Variants in PTCHD4 observed in about 807,000 individuals in gnomAD.
PTCHD4 encodes patched domain containing 4.
A neutral mutation model predicts 58.1 loss-of-function variants in PTCHD4; 33 were observed. The observed-to-expected ratio is 0.57, with a 90% CI of 0.43 to 0.76. PTCHD4 has a LOEUF of 0.76. PTCHD4 is among the 30% of genes least tolerant of loss of function. The pLI, the probability that PTCHD4 is intolerant of heterozygous loss-of-function variation, is 0.00. For synonymous variants in PTCHD4, 478 were observed against 409.6 expected, an observed-to-expected ratio of 1.17 and a Z score of -2.02; for missense variants, 1,058 against 1,027.1, an observed-to-expected ratio of 1.03 and a Z score of -0.41.
intron 4 of PTCHD4, among the ~76,000 whole-genome samples, chr6:47,928,817 C>T (rs1286822003): frequency 6.6e-6 from 1 of 152,048 alleles, no homozygotes; most frequent in African/African-American, 2.4e-5. Context: ...GTCGATGATA[C>T]TCAATAAATG....
At chr6:48,009,917 T>C (rs928705211) in intron 3 of PTCHD4, among the ~76,000 whole-genome samples, 7 of 151,906 alleles carry the variant, frequency 4.6e-5, no homozygotes, top group Non-Finnish European at 1.0e-4. Flanking sequence ...ATCATGAGAG[T>C]AGGAAATTGG....
At chr6:48,034,766 C>A (rs769879577) in intron 3 of PTCHD4, among the ~76,000 whole-genome samples, 1 of 152,126 alleles carries the variant, frequency 6.6e-6, no homozygotes, top group Non-Finnish European at 1.5e-5. Flanking sequence ...ACTCTCTTTG[C>A]AGCCAATGAA....
At chr6:48,056,167 T>C (rs768014232) in intron 3 of PTCHD4, among the ~76,000 whole-genome samples, 6 of 152,236 alleles carry the variant, frequency 3.9e-5, no homozygotes, top group African/African-American at 1.4e-4. Flanking sequence ...TTTTAAATTA[T>C]GTGGAGAAGG....
In PTCHD4 at chr6:47,877,278, G is replaced by A. The variant is rs924224925; in HGVS notation, c.*1025C>T. 2.6e-5 allele frequency among the ~76,000 whole-genome samples: 4 copies of A among 151,870 alleles called. No individual in the cohort carries two copies. In the East Asian group the frequency reaches 7.8e-4, roughly 30 times the overall value. On this transcript the variant is annotated 3_prime_UTR_variant, in exon 5 of 5. Coordinates refer to ENST00000339488, the MANE Select transcript of PTCHD4 (RefSeq NM_001384253.1). ...TCTAAAATAAGAACGGTGTAACTAT[G>A]GAGTACCCCAACTCACATACACATA...
At chr6:48,037,379 T>C (rs910815996) in intron 3 of PTCHD4, among the ~76,000 whole-genome samples, 29 of 152,188 alleles carry the variant, frequency 1.9e-4, no homozygotes, top group Admixed American at 9.8e-4. Flanking sequence ...ACTGGAGTCT[T>C]GGACTGCATC....
intron 4 of PTCHD4, among the ~76,000 whole-genome samples, chr6:48,006,753 G>A (rs1052016886): frequency 1.3e-5 from 2 of 152,136 alleles, no homozygotes; most frequent in African/African-American, 4.8e-5. Context: ...CTAAAGCCAA[G>A]GGCTGTTTTC....
chr6:47,907,974 C>A (rs536824738), intron 4 of PTCHD4, among the ~76,000 whole-genome samples: 1 of 152,178 alleles, frequency 6.6e-6, no homozygotes, highest in Non-Finnish European at 1.5e-5. Flanking sequence ...TTCTTTAAAC[C>A]TTTATATGGG....
chr6:47,993,594 G>C (rs1377302376), intron 4 of PTCHD4, among the ~76,000 whole-genome samples: 1 of 152,190 alleles, frequency 6.6e-6, no homozygotes, highest in Non-Finnish European at 1.5e-5. Context: ...TTCAAAGTCA[G>C]GTGGACAATG....
chr6:48,100,887 C>G (rs1485339458), intron 1 of PTCHD4, among the ~76,000 whole-genome samples: 1 of 152,080 alleles, frequency 6.6e-6, no homozygotes, highest in Non-Finnish European at 1.5e-5. Flanking sequence ...AACAAAATTA[C>G]ATGGTAAACA....
chr6:47,932,854 G>A (rs530214758), intron 4 of PTCHD4, among the ~76,000 whole-genome samples: 107 of 152,286 alleles, frequency 7.0e-4, no homozygotes, highest in African/African-American at 2.5e-3. Flanking sequence ...TCTATAAAGT[G>A]AGGGTAATAA....
chr6:47,879,784 C>G lies in PTCHD4; in HGVS notation c.1051G>C (p.Gly351Arg), dbSNP rs748575092. ...TCTATGTTTGTGAATGGGCTGGCAC[C>G]CATGCCAAAAGTGATGAAGTACAGG... ...SSLYFITFGM[G>R]ASPFTNIEAV... The change falls in exon 5 of 5, where the codon GGT (glycine) becomes CGT (arginine). Residue 351 changes from glycine (G) to arginine (R), a missense_variant. Coordinates refer to ENST00000339488, the MANE Select transcript of PTCHD4 (RefSeq NM_001384253.1). 2 of 1,613,604 alleles carry G rather than the reference C, an allele frequency of 1.2e-6. No individual in the cohort carries two copies. Among genetic ancestry groups the G allele is most frequent in the Non-Finnish European group, 1.7e-6 (2 of 1,179,758 alleles).
chr6:47,888,336 G>A (rs1490500599), intron 4 of PTCHD4, among the ~76,000 whole-genome samples: 2 of 152,020 alleles, frequency 1.3e-5, no homozygotes, highest in South Asian at 2.1e-4. Flanking sequence ...CAGCCTGGGC[G>A]ACAGCGCGAG....
intron 1 of PTCHD4, among the ~76,000 whole-genome samples, chr6:48,075,810 C>G (rs76473180): frequency 0.16 from 23,818 of 152,164 alleles, 1,907 homozygotes; most frequent in African/African-American, 0.2. Flanking sequence ...AAGTTGTAAT[C>G]TTTTTGCTGG....
intron 4 of PTCHD4, among the ~76,000 whole-genome samples, chr6:48,008,051 T>C (rs925339768): frequency 1.3e-5 from 2 of 152,200 alleles, no homozygotes; most frequent in Admixed American, 6.5e-5. Flanking sequence ...AGGCTATTCA[T>C]TAATTCTTTT....
At chr6:48,021,878 A>G (rs1012145178) in intron 3 of PTCHD4, among the ~76,000 whole-genome samples, 2 of 152,086 alleles carry the variant, frequency 1.3e-5, no homozygotes, top group African/African-American at 4.8e-5. Context: ...CTCCAACTAG[A>G]CTTCTAAGTT....
intron 4 of PTCHD4, among the ~76,000 whole-genome samples, chr6:47,993,217 T>C (rs1768346658): frequency 6.6e-6 from 1 of 152,206 alleles, no homozygotes. Flanking sequence ...AAGTCACCAA[T>C]GCAATAATTT....
intron 4 of PTCHD4, among the ~76,000 whole-genome samples, chr6:47,995,005 T>A (rs1412304841): frequency 6.6e-6 from 1 of 152,130 alleles, no homozygotes; most frequent in Non-Finnish European, 1.5e-5. Context: ...CCTCAAACAG[T>A]TAGAAATCAT....
At chr6:47,928,828 T>C (rs1015722113) in intron 4 of PTCHD4, among the ~76,000 whole-genome samples, 7 of 152,200 alleles carry the variant, frequency 4.6e-5, no homozygotes, top group South Asian at 2.1e-4. Flanking sequence ...TCAATAAATG[T>C]GTTTTTAATG....
At position 48,068,684 on chromosome 6, in the gene PTCHD4, G is replaced by C. The variant is rs768878658; in HGVS notation, c.6-43C>G. On this transcript the variant is annotated intron_variant, in intron 2 of 4. Transcript: ENST00000339488. This position sits in a 1 kb window ranked among gnomAD's most constrained non-coding sequence, Gnocchi z 4.2. ...ACATGTGTAAGCGCCGGGCTACCCC[G>C]TTCTCCCCCATCCCACCCCCTGGGG... 6.7e-7 allele frequency: 1 copy of C among 1,499,334 alleles called. No homozygotes were observed. The highest frequency in any genetic ancestry group is 2.0e-5 in the Admixed American group (1 of 48,950). 92.9% of individuals were successfully genotyped at this position (1,499,334 alleles called of 1,614,324 possible). A position where few individuals can be genotyped will look rare whatever the true frequency, so the allele number is the denominator to read the frequency against.
Sources: gnomAD v4.1 joint callset for allele counts (sites outside exome capture counted in the v4.1 genomes callset) on GRCh38, gnomAD v4.1.1 for gene constraint, Gnocchi (gnomAD v3.1) non-coding constraint, MANE v1.5 for transcripts, NCBI Gene and HGNC (gene_info 2026-07-23, HGNC 2026-07-21) for gene names.